The following ST6GALNAC5 variants were observed in gnomAD, a reference collection of about 807,000 sequenced individuals.
ST6GALNAC5 encodes the protein alpha-N-acetylgalactosaminide alpha-2,6-sialyltransferase 5.
A neutral mutation model predicts 33.6 loss-of-function variants in ST6GALNAC5; 27 were observed. The observed-to-expected ratio is 0.80, with a 90% CI of 0.59 to 1.11. The LOEUF is 1.11. Ranked by LOEUF, ST6GALNAC5 falls within the 50% of genes least tolerant of loss-of-function variation. The pLI, the probability that ST6GALNAC5 is intolerant of heterozygous loss-of-function variation, is 0.00. For missense variants in ST6GALNAC5, 428 were observed against 454.0 expected, an observed-to-expected ratio of 0.94 and a Z score of 0.52; for synonymous variants, 194 against 171.2, an observed-to-expected ratio of 1.13 and a Z score of -1.04.
chr1:76,985,756 A>C (rs1649469641), intron 2 of ST6GALNAC5, among the ~76,000 whole-genome samples: 1 of 152,198 alleles, frequency 6.6e-6, no homozygotes, highest in East Asian at 1.9e-4. Flanking sequence ...ACTTCAAACT[A>C]TACTACAAGG....
At chr1:76,927,053 C>T (rs1647093126) in intron 2 of ST6GALNAC5, among the ~76,000 whole-genome samples, 1 of 152,038 alleles carries the variant, frequency 6.6e-6, no homozygotes, top group Non-Finnish European at 1.5e-5. Context: ...TATAAATATA[C>T]ACTTCATGTC....
At chr1:76,990,990 A>T (rs1187971748) in intron 2 of ST6GALNAC5, among the ~76,000 whole-genome samples, 1 of 152,150 alleles carries the variant, frequency 6.6e-6, no homozygotes, top group Non-Finnish European at 1.5e-5. Flanking sequence ...GTAGTGGGCT[A>T]TAGGCTGTAG....
In ST6GALNAC5 at chr1:76,971,580, T is replaced by C. The variant is rs539613240; in HGVS notation, c.262-72624T>C. On this transcript the variant is annotated intron_variant, in intron 2 of 4. Coordinates refer to ENST00000477717, the MANE Select transcript of ST6GALNAC5 (RefSeq NM_030965.3). ...TCTGTTCTTTCCAATTCTATATTTT[T>C]CCCTGTTTTTTGCCTTTTGTTCAAT... Among the ~76,000 whole-genome samples, 4 of 152,336 alleles carry C rather than the reference T, an allele frequency of 2.6e-5. No individual in the cohort carries two copies. In the East Asian group the frequency reaches 7.7e-4, roughly 29 times the overall value.
intron 2 of ST6GALNAC5, among the ~76,000 whole-genome samples, chr1:77,026,098 C>T (rs1244071081): frequency 1.3e-5 from 2 of 152,194 alleles, no homozygotes; most frequent in African/African-American, 2.4e-5. Flanking sequence ...TGGGCAAGTT[C>T]CTTCGCCTCC....
At chr1:76,974,318 A>G (rs1418929524) in intron 2 of ST6GALNAC5, among the ~76,000 whole-genome samples, 1 of 146,812 alleles carries the variant, frequency 6.8e-6, no homozygotes. Flanking sequence ...TGATCCTCCT[A>G]CCTTTGCCTC....
At chr1:76,957,781 G>A (rs996277782) in intron 2 of ST6GALNAC5, among the ~76,000 whole-genome samples, 4 of 151,876 alleles carry the variant, frequency 2.6e-5, no homozygotes, top group Admixed American at 6.6e-5. Context: ...CATAATATCC[G>A]ATATAGAGAT....
intron 2 of ST6GALNAC5, among the ~76,000 whole-genome samples, chr1:76,965,339 G>C (rs1223700625): frequency 6.6e-6 from 1 of 152,110 alleles, no homozygotes; most frequent in East Asian, 1.9e-4. Flanking sequence ...TTGTGGTTTT[G>C]ATTTGCGTTT....
intron 2 of ST6GALNAC5, among the ~76,000 whole-genome samples, chr1:77,019,029 A>G (rs1650954481): frequency 1.3e-5 from 2 of 152,204 alleles, no homozygotes; most frequent in Non-Finnish European, 2.9e-5. Flanking sequence ...CTCTAGAGGA[A>G]GCAGTGAAAT....
At chr1:76,926,936 A>G (rs771999666) in intron 2 of ST6GALNAC5, among the ~76,000 whole-genome samples, 1 of 152,116 alleles carries the variant, frequency 6.6e-6, no homozygotes, top group Non-Finnish European at 1.5e-5. Flanking sequence ...ACAATCAAAC[A>G]TCTTTTCAGA....
intron 2 of ST6GALNAC5, among the ~76,000 whole-genome samples, chr1:76,900,349 G>GGGTATATGA (rs1553165236): frequency 6.6e-6 from 1 of 151,514 alleles, no homozygotes; most frequent in Non-Finnish European, 1.5e-5. Context: ...GCAGGTCACA[G>GGGTATATGA]GGGATATGAT....
At chr1:76,991,717 A>G (rs1158101217) in intron 2 of ST6GALNAC5, among the ~76,000 whole-genome samples, 1 of 152,118 alleles carries the variant, frequency 6.6e-6, no homozygotes, top group Non-Finnish European at 1.5e-5. Context: ...TTCTCAGCCC[A>G]CAGAACATAG....
chr1:77,032,272 C>T (rs946394173), intron 2 of ST6GALNAC5, among the ~76,000 whole-genome samples: 7 of 152,008 alleles, frequency 4.6e-5, no homozygotes, highest in East Asian at 1.9e-4. Context: ...GAGGGACTTG[C>T]CAAGGAGTTC....
At position 76,867,516 on chromosome 1, in the gene ST6GALNAC5, G is replaced by A. The variant is rs1450174952; in HGVS notation, c.-160G>A. On this transcript the variant is annotated 5_prime_UTR_variant, in exon 1 of 5. Transcript: ENST00000477717. ...TGTCTCTAATCTCTGCAACAGCCGC[G>A]CTTCCCGGGTCCCGCGGCTCCCGCG... The A allele has an allele frequency of 6.6e-6, 7 of 1,061,706 alleles. No homozygotes were observed. Among genetic ancestry groups the A allele is most frequent in the African/African-American group, 1.6e-5 (1 of 63,784 alleles). The allele number at this position is 1,061,706 out of a possible 1,614,324, so 65.8% of individuals were successfully genotyped here. A position where few individuals can be genotyped will look rare whatever the true frequency, so the allele number is the denominator to read the frequency against.
chr1:77,042,442 G>T (rs957025830), intron 2 of ST6GALNAC5, among the ~76,000 whole-genome samples: 1 of 152,214 alleles, frequency 6.6e-6, no homozygotes, highest in Non-Finnish European at 1.5e-5. Context: ...CACAGTGCCT[G>T]TCATGTAAGA....
chr1:76,970,728 G>C (rs1648716170), intron 2 of ST6GALNAC5, among the ~76,000 whole-genome samples: 1 of 152,136 alleles, frequency 6.6e-6, no homozygotes, highest in Non-Finnish European at 1.5e-5. Flanking sequence ...TACTCCTCGA[G>C]AAGAGCAATC....
intron 2 of ST6GALNAC5, among the ~76,000 whole-genome samples, chr1:76,921,521 G>T (rs1373033121): frequency 6.6e-6 from 1 of 152,058 alleles, no homozygotes; most frequent in Non-Finnish European, 1.5e-5. Flanking sequence ...ATAAAATAGG[G>T]ATTTCAATAC....
At chr1:77,023,073 A>T (rs916281783) in intron 2 of ST6GALNAC5, among the ~76,000 whole-genome samples, 1 of 152,198 alleles carries the variant, frequency 6.6e-6, no homozygotes, top group African/African-American at 2.4e-5. Flanking sequence ...TGGGACACTG[A>T]AAACACAGGC....
chr1:76,981,426 T>A (rs1276498684), intron 2 of ST6GALNAC5, among the ~76,000 whole-genome samples: 1 of 152,146 alleles, frequency 6.6e-6, no homozygotes, highest in African/African-American at 2.4e-5. Context: ...GGCTGCAGCG[T>A]GGCTGGGGGA....
intron 2 of ST6GALNAC5, among the ~76,000 whole-genome samples, chr1:76,873,304 T>C (rs528239627): frequency 6.6e-6 from 1 of 152,368 alleles, no homozygotes; most frequent in Non-Finnish European, 1.5e-5. Flanking sequence ...TCTGTCATAT[T>C]AGCCTGTTTT....
Sources: allele counts gnomAD v4.1 joint callset (sites outside exome capture counted in the v4.1 genomes callset), GRCh38; gene constraint gnomAD v4.1.1; transcripts MANE v1.5; gene names NCBI Gene and HGNC (gene_info 2026-07-23, HGNC 2026-07-21).